CADM2: variants seen among roughly 807,000 people sequenced by gnomAD.
The protein encoded by CADM2 is cell adhesion molecule 2.
Under a neutral mutation model 49.8 loss-of-function variants are expected in CADM2, and 12 were observed. The observed-to-expected ratio is 0.24, with a 90% CI of 0.15 to 0.39. The LOEUF (loss-of-function observed/expected upper bound fraction) is 0.39, where lower values mean the gene tolerates loss of function less well. Ranked by LOEUF, CADM2 falls within the 10% of genes least tolerant of loss-of-function variation. The probability of loss-of-function intolerance (pLI) is 1.00; values close to 1 mark genes in which losing one functional copy is unlikely to be tolerated. For missense variants in CADM2, 378 were observed against 492.3 expected (o/e 0.77, Z 2.20); for synonymous variants, 214 against 175.4 (o/e 1.22, Z -1.74).
rs1045524295 is a variant in CADM2 at position 85,500,446 on chromosome 3, G to A, written c.62-226076G>A. Among the ~76,000 whole-genome samples, 42 of 151,722 alleles carry A rather than the reference G, an allele frequency of 2.8e-4. 1 individual carries two copies. The highest frequency in any genetic ancestry group is 9.4e-4 in the African/African-American group (39 of 41,280). ...ATCTCTTAGTAATACATAAAATAAT[G>A]GTGTGTCTTATAATTGATGGCTTAT... is the stretch of plus-strand genomic sequence containing the variant. On this transcript the variant is annotated intron_variant, in intron 1 of 9. Coordinates refer to ENST00000383699, the MANE Select transcript of CADM2 (RefSeq NM_001167675.2).
In CADM2 at chr3:85,935,866, G is replaced by A. The variant is rs1721135373; in HGVS notation, c.791+9G>A. The A allele has an allele frequency of 1.3e-6, 2 of 1,516,666 alleles. No homozygotes were observed. Among genetic ancestry groups the A allele is most frequent in the South Asian group, 2.3e-5 (2 of 86,346 alleles). The allele number at this position is 1,516,666 out of a possible 1,614,324, so 94.0% of individuals were successfully genotyped here. A position where few individuals can be genotyped will look rare whatever the true frequency, so the allele number is the denominator to read the frequency against. On this transcript the variant is annotated intron_variant, in intron 7 of 9. Coordinates refer to ENST00000383699, the MANE Select transcript of CADM2 (RefSeq NM_001167675.2). ...TCCAAAGGAAAACCACTGTAAGTGA[G>A]TTAATGAGCAATAAAGCTTTTAACT...
At chr3:85,538,403 A>T (rs2061468497) in intron 1 of CADM2, among the ~76,000 whole-genome samples, 1 of 152,020 alleles carries the variant, frequency 6.6e-6, no homozygotes, top group Admixed American at 6.6e-5. Flanking sequence ...AGAAGGGCAC[A>T]TGGTTATGAA....
intron 1 of CADM2, 160 bp from the exon 2 acceptor site, chr3:85,726,362 A>G (rs2067695533): frequency 4.0e-6 from 3 of 753,134 alleles, no homozygotes; most frequent in Non-Finnish European, 6.8e-6. Context: ...CACTAACTAA[A>G]TGTAACAATA....
At chr3:85,772,661 T>A (rs181627715) in intron 2 of CADM2, among the ~76,000 whole-genome samples, 6 of 152,208 alleles carry the variant, frequency 3.9e-5, no homozygotes, top group African/African-American at 1.4e-4. Context: ...GAAACTGGCA[T>A]TCAGAGATTA....
chr3:85,167,537 C>G (rs1007193990), intron 1 of CADM2, among the ~76,000 whole-genome samples: 2 of 152,168 alleles, frequency 1.3e-5, no homozygotes, highest in Non-Finnish European at 1.5e-5. Context: ...TTTACAAGAG[C>G]TTTGCATGGA....
At position 85,670,199 on chromosome 3, in the gene CADM2, A is replaced by C. The variant is rs536713948; in HGVS notation, c.62-56323A>C. On this transcript the variant is annotated intron_variant, in intron 1 of 9. Transcript: ENST00000383699. ...GTAAATAGTGTACAATAAATGAACA[A>C]TACTCTTTGTGTGCTTTCTCTGATT... Among the ~76,000 whole-genome samples the C allele has an allele frequency of 7.9e-4, 120 of 152,276 alleles. 1 individual carries two copies. The highest frequency in any genetic ancestry group is 1.0e-3 in the Non-Finnish European group (70 of 68,010).
intron 1 of CADM2, among the ~76,000 whole-genome samples, chr3:85,622,728 G>A (rs142296511): frequency 2.6e-5 from 4 of 152,088 alleles, no homozygotes; most frequent in African/African-American, 4.8e-5. Context: ...TCCCAGCCCC[G>A]CTACCCCTAT....
intron 8 of CADM2, among the ~76,000 whole-genome samples, chr3:86,031,591 T>C (rs1253986097): frequency 6.6e-6 from 1 of 151,880 alleles, no homozygotes; most frequent in Non-Finnish European, 1.5e-5. Context: ...TACATAGGTT[T>C]ATTTTTGTCT....
intron 1 of CADM2, among the ~76,000 whole-genome samples, chr3:85,513,381 C>G (rs897239064): frequency 6.6e-6 from 1 of 151,806 alleles, no homozygotes; most frequent in South Asian, 2.1e-4. Flanking sequence ...TTAATCAAGA[C>G]CCATCGTCAT....
At chr3:85,691,482 G>A (rs72913197) in intron 1 of CADM2, among the ~76,000 whole-genome samples, 6,071 of 152,164 alleles carry the variant, frequency 0.04, 388 homozygotes, top group African/African-American at 0.14. Flanking sequence ...CTACCCTATA[G>A]GGTACATTAA....
At chr3:85,238,109 A>G (rs2107829163) in intron 1 of CADM2, among the ~76,000 whole-genome samples, 1 of 152,058 alleles carries the variant, frequency 6.6e-6, no homozygotes, top group East Asian at 1.9e-4. Flanking sequence ...TTGGTACATC[A>G]TGTTGAAGAA....
intron 5 of CADM2, among the ~76,000 whole-genome samples, chr3:85,904,662 T>C (rs1199630514): frequency 6.6e-6 from 1 of 152,204 alleles, no homozygotes; most frequent in African/African-American, 2.4e-5. Context: ...CTAGTTATGG[T>C]TGTTTAGCTG....
intron 1 of CADM2, among the ~76,000 whole-genome samples, chr3:85,576,352 T>G (rs751505482): frequency 5.3e-5 from 8 of 152,138 alleles, no homozygotes; most frequent in Non-Finnish European, 1.0e-4. Context: ...TCACACAAAG[T>G]GATCTCATTT....
At chr3:85,145,043 G>T (rs2039696715) in intron 1 of CADM2, among the ~76,000 whole-genome samples, 1 of 152,018 alleles carries the variant, frequency 6.6e-6, no homozygotes, top group Non-Finnish European at 1.5e-5. Context: ...ATTGAAAATG[G>T]GCCACTGGAG....
intron 8 of CADM2, among the ~76,000 whole-genome samples, chr3:85,997,278 G>A (rs1436401482): frequency 6.6e-6 from 1 of 152,134 alleles, no homozygotes; most frequent in African/African-American, 2.4e-5. Context: ...AAAGCCCTGT[G>A]TATTATTTGC....
chr3:85,240,397 T>G (rs2107834050), intron 1 of CADM2, among the ~76,000 whole-genome samples: 1 of 151,668 alleles, frequency 6.6e-6, no homozygotes. Context: ...AAAATGAATG[T>G]TAGTGCTATC....
intron 1 of CADM2, among the ~76,000 whole-genome samples, chr3:85,196,475 T>A (rs2041345728): frequency 6.6e-6 from 1 of 151,946 alleles, no homozygotes; most frequent in South Asian, 2.1e-4. Context: ...ATTTTAAAAT[T>A]ATGACTCATC....
chr3:85,602,009 CAA>C (rs1445494974), intron 1 of CADM2, among the ~76,000 whole-genome samples: 1 of 151,750 alleles, frequency 6.6e-6, no homozygotes, highest in Non-Finnish European at 1.5e-5. Flanking sequence ...GAAAAACCTT[CAA>C]ACATTGTTCC....
rs925805239 is a variant in CADM2 at position 86,074,401 on chromosome 3, A to G, written c.*7618A>G. 2.6e-5 allele frequency: 4 copies of G among 152,058 alleles called. No homozygotes were observed. Among genetic ancestry groups the G allele is most frequent in the Non-Finnish European group, 5.9e-5 (4 of 67,914 alleles). 9.4% of individuals were successfully genotyped at this position (152,058 alleles called of 1,614,324 possible). ...TTTGTGTTAGACCATGAAATATTCCATTAAAATTTATCTGTAAATACAAGG... is the reference window on the plus strand; with the variant it reads ...TTTGTGTTAGACCATGAAATATTCCGTTAAAATTTATCTGTAAATACAAGG... On this transcript the variant is annotated 3_prime_UTR_variant, in exon 10 of 10. Transcript: ENST00000383699.
Sources: gnomAD v4.1 joint callset for allele counts (sites outside exome capture counted in the v4.1 genomes callset) on GRCh38, gnomAD v4.1.1 for gene constraint, MANE v1.5 for transcripts, NCBI Gene and HGNC (gene_info 2026-07-23, HGNC 2026-07-21) for gene names.